Variants in PRKACB observed in about 807,000 individuals in gnomAD.
The protein encoded by PRKACB is protein kinase cAMP-activated catalytic subunit beta.
In PRKACB, 16 loss-of-function variants were observed where a neutral mutation model predicts 51.4. The observed-to-expected ratio is 0.31, with a 90% CI of 0.21 to 0.47. The LOEUF (loss-of-function observed/expected upper bound fraction) is 0.47. PRKACB is among the 20% of genes least tolerant of loss of function. PRKACB has a pLI of 1.00. For missense variants in PRKACB, 309 were observed against 464.5 expected (o/e 0.67, Z 3.08); for synonymous variants, 147 against 154.4 (o/e 0.95, Z 0.35).
chr1:84,196,513 T>A (rs1280532252), intron 5 of PRKACB, 103 bp from the exon 6 acceptor site: 6 of 1,160,996 alleles, frequency 5.2e-6, no homozygotes, highest in Non-Finnish European at 7.1e-6. Context: ...ATACTTTTTG[T>A]TCCCAAAGTA....
chr1:84,150,347 A>G (rs1278882242), intron 1 of PRKACB, among the ~76,000 whole-genome samples: 5 of 152,198 alleles, frequency 3.3e-5, no homozygotes, highest in African/African-American at 9.6e-5. Flanking sequence ...TCAAAACAGT[A>G]TATTGATATT....
At chr1:84,227,592 G>A (rs1674848297) in intron 9 of PRKACB, among the ~76,000 whole-genome samples, 1 of 152,092 alleles carries the variant, frequency 6.6e-6, no homozygotes, top group Admixed American at 6.5e-5. Context: ...GAACAGGAAG[G>A]CCACTACTCA....
intron 9 of PRKACB, among the ~76,000 whole-genome samples, chr1:84,230,759 C>T (rs759900298): frequency 0.016 from 2,285 of 144,268 alleles, 55 homozygotes; most frequent in African/African-American, 0.057. Flanking sequence ...ATAAGAATGC[C>T]TGTGATTTTT....
rs1676679542 is a variant in PRKACB at position 84,236,576 on chromosome 1, TTC to T, written c.*1276_*1277del. 6.6e-6 allele frequency: 1 copy of T among 152,654 alleles called. No individual in the cohort carries two copies. Among genetic ancestry groups the T allele is most frequent in the African/African-American group, 2.4e-5 (1 of 41,470 alleles). 9.5% of individuals were successfully genotyped at this position (152,654 alleles called of 1,614,324 possible). Reference sequence around the variant, plus strand: ...GATATTTCATAATTTCTAACCTCTGTTCTCTCAGTAAACAGAATGTCTGATCG... The same window carrying T: ...GATATTTCATAATTTCTAACCTCTGTTCTCAGTAAACAGAATGTCTGATCG... On this transcript the variant is annotated 3_prime_UTR_variant, in exon 10 of 10. Transcript: ENST00000370685.
intron 1 of PRKACB, among the ~76,000 whole-genome samples, chr1:84,082,529 A>G (rs2100740848): frequency 6.6e-6 from 1 of 152,294 alleles, no homozygotes; most frequent in South Asian, 2.1e-4. Context: ...GTAAATGTAT[A>G]CTTTTCCCTT....
chr1:84,225,682 G>A (rs1434297969), intron 9 of PRKACB, among the ~76,000 whole-genome samples: 3 of 152,120 alleles, frequency 2.0e-5, no homozygotes, highest in Non-Finnish European at 4.4e-5. Flanking sequence ...TGAACTCCAG[G>A]CAGGTCCCTA....
intron 1 of PRKACB, chr1:84,173,232 A>G: frequency 1.3e-6 from 1 of 742,454 alleles, no homozygotes; most frequent in Non-Finnish European, 2.1e-6. Context: ...TTCTATTTCT[A>G]TGTGCAGTAC....
At chr1:84,087,419 A>G (rs1446674560) in intron 1 of PRKACB, among the ~76,000 whole-genome samples, 3 of 152,246 alleles carry the variant, frequency 2.0e-5, no homozygotes, top group Non-Finnish European at 4.4e-5. Flanking sequence ...AAACCTTGAT[A>G]TAGACTGGGC....
intron 5 of PRKACB, among the ~76,000 whole-genome samples, chr1:84,186,124 G>A (rs1665022505): frequency 6.6e-6 from 1 of 152,198 alleles, no homozygotes; most frequent in Non-Finnish European, 1.5e-5. Context: ...AAGAGTCGCA[G>A]TAGGTTGTCT....
At chr1:84,235,148 T>C (rs1483653114) in intron 9 of PRKACB, 32 bp from the exon 10 acceptor site, 1 of 1,572,990 alleles carries the variant, frequency 6.4e-7, no homozygotes, top group African/African-American at 1.4e-5. Context: ...TTTTTTTCCT[T>C]TTTCTTATTT....
chr1:84,227,128 T>C (rs1472771998), intron 9 of PRKACB, among the ~76,000 whole-genome samples: 1 of 152,166 alleles, frequency 6.6e-6, no homozygotes, highest in Admixed American at 6.5e-5. Context: ...GTTTCTGTTT[T>C]TTTGAAGTTG....
intron 1 of PRKACB, among the ~76,000 whole-genome samples, chr1:84,169,193 C>T (rs535687790): frequency 4.1e-4 from 62 of 151,538 alleles, no homozygotes; most frequent in Non-Finnish European, 6.5e-4. Flanking sequence ...GTTACAGTCT[C>T]CAAGAGGTAG....
At chr1:84,154,079 A>G (rs1297133551) in intron 1 of PRKACB, among the ~76,000 whole-genome samples, 1 of 152,142 alleles carries the variant, frequency 6.6e-6, no homozygotes, top group East Asian at 1.9e-4. Flanking sequence ...GATGTGAGGT[A>G]GTAGCTCATT....
Position 84,181,660 on chromosome 1 carries a change from A to T in PRKACB, c.250-540A>T, listed in dbSNP as rs1027543550. The T allele has an allele frequency of 3.3e-6, 5 of 1,498,740 alleles. No individual in the cohort carries two copies. In the African/African-American group the frequency reaches 5.6e-5, roughly 17 times the overall value. 92.8% of individuals were successfully genotyped at this position (1,498,740 alleles called of 1,614,324 possible). ...AGAGAGAAAGCCACTAGGCTCTCTC[A>T]TGCTGCTACTATCTAGTTCTATAAG... is the stretch of plus-strand genomic sequence containing the variant. On this transcript the variant is annotated intron_variant, in intron 2 of 9. Transcript: ENST00000370685.
intron 1 of PRKACB, chr1:84,164,215 T>A (rs543062091): frequency 7.4e-7 from 1 of 1,352,306 alleles, no homozygotes; most frequent in Non-Finnish European, 9.7e-7. Context: ...TTAACATTTG[T>A]GCTGCAGTAT....
At chr1:84,223,360 G>GTTTT (rs201399102) in intron 9 of PRKACB, among the ~76,000 whole-genome samples, 2 of 64,106 alleles carry the variant, frequency 3.1e-5, no homozygotes, top group Non-Finnish European at 6.1e-5. Context: ...CTGTTTGGTT[G>GTTTT]TTTTTTTTTG....
At chr1:84,164,890 A>G (rs1033668317) in intron 1 of PRKACB, 69 of 1,457,766 alleles carry the variant, frequency 4.7e-5, no homozygotes, top group Non-Finnish European at 6.0e-5. Context: ...TGTGTGCTGC[A>G]TGCTCCAGTG....
At chr1:84,169,345 C>T (rs1658609859) in intron 1 of PRKACB, among the ~76,000 whole-genome samples, 1 of 151,274 alleles carries the variant, frequency 6.6e-6, no homozygotes, top group Non-Finnish European at 1.5e-5. Flanking sequence ...AAAACAAGAA[C>T]CTAGAATGAA....
At chr1:84,137,428 T>C (rs1041102310) in intron 1 of PRKACB, among the ~76,000 whole-genome samples, 1 of 152,210 alleles carries the variant, frequency 6.6e-6, no homozygotes, top group African/African-American at 2.4e-5. Context: ...TGTGAAATTA[T>C]TGGATACATG....
Sources: gnomAD v4.1 joint callset for allele counts (sites outside exome capture counted in the v4.1 genomes callset) on GRCh38, gnomAD v4.1.1 for gene constraint, MANE v1.5 for transcripts, NCBI Gene and HGNC (gene_info 2026-07-23, HGNC 2026-07-21) for gene names.